EP300: variants seen among roughly 807,000 people sequenced by gnomAD.
EP300 encodes the protein EP300 lysine acetyltransferase, also known as histone acetyltransferase p300.
A neutral mutation model predicts 264.0 loss-of-function variants in EP300; 31 were observed. The ratio of observed to expected loss-of-function variants is 0.12; its 90% CI spans 0.09 to 0.16. EP300 has a LOEUF of 0.16. Among genes scored for constraint, EP300 ranks in the 10% least tolerant of loss-of-function variants. The probability of loss-of-function intolerance (pLI) is 1.00; values close to 1 mark genes in which losing one functional copy is unlikely to be tolerated. For missense variants in EP300, 2,766 were observed against 3,052.9 expected (o/e 0.91, Z 2.21); for synonymous variants, 1,340 against 1,045.4 (o/e 1.28, Z -5.44).
chr22:41,129,039 C>A (rs141235457), intron 4 of EP300, among the ~76,000 whole-genome samples: 1 of 151,652 alleles, frequency 6.6e-6, no homozygotes, highest in Non-Finnish European at 1.5e-5. Context: ...GAGATGGAGT[C>A]TCGCTCTGTC....
intron 1 of EP300, among the ~76,000 whole-genome samples, chr22:41,099,648 T>C (rs1001291261): frequency 3.9e-5 from 6 of 152,230 alleles, no homozygotes; most frequent in African/African-American, 1.2e-4. Context: ...TCATTCCTTA[T>C]TAAGTCAAGA....
intron 2 of EP300, among the ~76,000 whole-genome samples, chr22:41,122,562 T>A (rs557638703): frequency 6.6e-6 from 1 of 152,358 alleles, no homozygotes; most frequent in Non-Finnish European, 1.5e-5. Context: ...TAAATCATTC[T>A]TGTAAATTAC....
chr22:41,110,605 A>G (rs2058784523), intron 1 of EP300, among the ~76,000 whole-genome samples: 3 of 152,062 alleles, frequency 2.0e-5, no homozygotes, highest in South Asian at 4.1e-4. Context: ...GCCTATATCC[A>G]GCTAATTTTT....
chr22:41,092,971 G>C lies in EP300; in HGVS notation c.-34G>C, dbSNP rs779552676. The C allele has an allele frequency of 1.2e-6, 2 of 1,612,800 alleles. No homozygotes were observed. The highest frequency in any genetic ancestry group is 1.7e-6 in the Non-Finnish European group (2 of 1,178,862). On this transcript the variant is annotated 5_prime_UTR_variant, in exon 1 of 31. Transcript: ENST00000263253. ...AAGAAGAGATTTCCTGAGGATTCTG[G>C]TTTTCCTCGCTTGTATCTCCGAAAG...
intron 1 of EP300, among the ~76,000 whole-genome samples, chr22:41,100,014 C>G (rs1218228699): frequency 5.9e-5 from 9 of 152,094 alleles, no homozygotes; most frequent in African/African-American, 1.9e-4. Context: ...GCCAGGCATT[C>G]AAGACCAGCC....
chr22:41,177,767 C>G lies in EP300; in HGVS notation c.6056C>G (p.Ala2019Gly). 6.2e-7 allele frequency: 1 copy of G among 1,613,910 alleles called. No individual in the cohort carries two copies. Among genetic ancestry groups the G allele is most frequent in the Non-Finnish European group, 8.5e-7 (1 of 1,180,028 alleles). Reference protein sequence around the residue: ...GMPRPAMMSVAQHGQPLNMAP... With the variant: ...GMPRPAMMSVGQHGQPLNMAP... The stretch of plus-strand genomic sequence containing the variant: ...CCAAGGCCAGCCATGATGTCAGTGG[C>G]CCAGCATGGTCAACCTTTGAACATG... The change falls in exon 31 of 31, where the codon GCC becomes GGC. Residue 2019 changes from alanine (A) to glycine (G), a missense_variant. Coordinates refer to ENST00000263253, the MANE Select transcript of EP300 (RefSeq NM_001429.4).
intron 7 of EP300, among the ~76,000 whole-genome samples, chr22:41,136,335 C>G (rs2058950393): frequency 6.6e-6 from 1 of 152,212 alleles, no homozygotes; most frequent in South Asian, 2.1e-4. Context: ...ACTCTTTCTT[C>G]TTTCTACAGC....
At chr22:41,136,658 C>A (rs938519467) in intron 7 of EP300, among the ~76,000 whole-genome samples, 1 of 152,022 alleles carries the variant, frequency 6.6e-6, no homozygotes, top group African/African-American at 2.4e-5. Flanking sequence ...GACTGTGTCT[C>A]AAAAGATAAA....
intron 28 of EP300, 107 bp downstream of exon 28, chr22:41,172,770 G>T: frequency 8.2e-7 from 1 of 1,223,740 alleles, no homozygotes; most frequent in Non-Finnish European, 1.2e-6. Context: ...GTGTAAAAGA[G>T]CTCTTTAAGT....
rs775049547 is a variant in EP300, at chr22:41,149,788, G to T, written c.2407G>T (p.Val803Leu). 1 of 1,613,826 alleles carries T rather than the reference G, an allele frequency of 6.2e-7. No homozygotes were observed. The highest frequency in any genetic ancestry group is 2.2e-5 in the East Asian group (1 of 44,876). ...ACAAATGTCTAGTTCTTCCTGCCCG[G>T]TGAACTCTCCTATAATGCCTCCAGG... ...QAQMSSSSCPVNSPIMPPGSQ... is the reference protein window; with the variant it reads ...QAQMSSSSCPLNSPIMPPGSQ... Residue 803 changes from valine (V) to leucine (L), a missense_variant, in exon 14 of 31, where the codon GTG becomes TTG. Physicochemically the swap from Val to Leu is conservative, Grantham distance 32. Coordinates refer to ENST00000263253, the MANE Select transcript of EP300 (RefSeq NM_001429.4).
intron 2 of EP300, among the ~76,000 whole-genome samples, 198 bp from the exon 3 acceptor site, chr22:41,125,666 G>A (rs1420805477): frequency 2.6e-5 from 4 of 152,140 alleles, no homozygotes; most frequent in Admixed American, 6.5e-5. Flanking sequence ...ATAGGCTTGC[G>A]CCACCATGTC....
In EP300 at chr22:41,172,583, C is replaced by A. The variant is rs1479222067; in HGVS notation, c.4537C>A (p.Leu1513Met). 6.2e-7 allele frequency: 1 copy of A among 1,613,970 alleles called. No individual in the cohort carries two copies. The highest frequency in any genetic ancestry group is 1.7e-5 in the Admixed American group (1 of 59,998). The change falls in exon 28 of 31, where the codon CTG (leucine) becomes ATG (methionine). Residue 1513 changes from leucine (L) to methionine (M), a missense_variant. Coordinates refer to ENST00000263253, the MANE Select transcript of EP300 (RefSeq NM_001429.4). Reference protein sequence around the residue: ...YFEGDFWPNVLEESIKELEQE... With the variant: ...YFEGDFWPNVMEESIKELEQE... ...CGAGGGTGATTTCTGGCCCAATGTT[C>A]TGGAAGAAAGCATTAAGGAACTGGA...
At chr22:41,125,205 G>A (rs182395530) in intron 2 of EP300, among the ~76,000 whole-genome samples, 2 of 136,318 alleles carry the variant, frequency 1.5e-5, no homozygotes, top group African/African-American at 5.5e-5. Context: ...TGCAAGCTCC[G>A]CCTCCCGGGT....
chr22:41,148,920 C>T lies in EP300; in HGVS notation c.2242-118C>T, dbSNP rs1601618737. ...TCTTCAGCCCTCTTCACCTATACTC[C>T]TGTCTTTGGCTTTTCTCTACTTAAT... On this transcript the variant is annotated intron_variant, in intron 12 of 30. Coordinates refer to ENST00000263253, the MANE Select transcript of EP300 (RefSeq NM_001429.4). The T allele has an allele frequency of 1.3e-5, 18 of 1,385,916 alleles. No homozygotes were observed. In the East Asian group the frequency reaches 4.0e-4, roughly 31 times the overall value. The allele number at this position is 1,385,916 out of a possible 1,614,324, so 85.9% of individuals were successfully genotyped here. A position where few individuals can be genotyped will look rare whatever the true frequency, so the allele number is the denominator to read the frequency against.
At chr22:41,140,302 T>A in intron 9 of EP300, 45 bp downstream of exon 9, 1 of 1,292,342 alleles carries the variant, frequency 7.7e-7, no homozygotes, top group Non-Finnish European at 1.1e-6. Flanking sequence ...ATTGAACCTG[T>A]TGTGGTTATT....
Position 41,093,358 on chromosome 22 carries a change from G to C in EP300, c.94+260G>C, listed in dbSNP as rs146487972. Among the ~76,000 whole-genome samples the C allele has an allele frequency of 0.018, 2,668 of 152,276 alleles. 73 individuals carry two copies. The highest frequency in any genetic ancestry group is 0.062 in the African/African-American group (2,565 of 41,544). On this transcript the variant is annotated intron_variant, in intron 1 of 30. Transcript: ENST00000263253. The stretch of plus-strand genomic sequence containing the variant: ...TCGTAAGTGGGTGCTATATAGAAAT[G>C]GCCTGTATTGTTGCTCTCATGCAAT...
intron 22 of EP300, 119 bp downstream of exon 22, chr22:41,164,249 T>C (rs1366585384): frequency 8.9e-6 from 9 of 1,012,196 alleles, no homozygotes; most frequent in Non-Finnish European, 1.4e-5. Context: ...TAAATTGTTT[T>C]CTTTGGGTTT....
intron 22 of EP300, among the ~76,000 whole-genome samples, chr22:41,165,381 C>T (rs2059128569): frequency 6.6e-6 from 1 of 152,214 alleles, no homozygotes; most frequent in African/African-American, 2.4e-5. Context: ...CCAGATTCCT[C>T]ACTACAGGAA....
chr22:41,136,266 C>T (rs559089208), intron 7 of EP300, among the ~76,000 whole-genome samples: 9 of 152,194 alleles, frequency 5.9e-5, no homozygotes, highest in Non-Finnish European at 1.3e-4. Flanking sequence ...CCTCGCGATC[C>T]GTCTGCCTCA....
Sources: allele counts gnomAD v4.1 joint callset (sites outside exome capture counted in the v4.1 genomes callset), GRCh38; gene constraint gnomAD v4.1.1; transcripts MANE v1.5; gene names NCBI Gene and HGNC (gene_info 2026-07-23, HGNC 2026-07-21).